The following LMO7 variants were observed in gnomAD, a reference collection of about 807,000 sequenced individuals.
The protein encoded by LMO7 is LIM domain only protein 7.
A neutral mutation model predicts 206.5 loss-of-function variants in LMO7; 120 were observed. The ratio of observed to expected loss-of-function variants is 0.58; its 90% CI spans 0.50 to 0.68. The LOEUF (loss-of-function observed/expected upper bound fraction) is 0.68. LMO7 is among the 30% of genes least tolerant of loss of function. LMO7 has a pLI of 0.00. For synonymous variants in LMO7, 706 were observed against 681.5 expected (o/e 1.04, Z -0.56); for missense variants, 1,959 against 1,957.9 (o/e 1.00, Z -0.01).
upstream of LMO7, among the ~76,000 whole-genome samples, chr13:75,635,474 G>T (rs1349612798): frequency 6.6e-6 from 1 of 150,620 alleles, no homozygotes; most frequent in African/African-American, 2.4e-5. Flanking sequence ...ACCCAGGGCC[G>T]CGGCGGATAC....
intron 1 of LMO7, among the ~76,000 whole-genome samples, chr13:75,701,279 C>T (rs951201327): frequency 5.3e-5 from 8 of 152,220 alleles, no homozygotes; most frequent in Admixed American, 2.0e-4. Context: ...GCGTCTCAGC[C>T]GCATTACTTA....
At chr13:75,737,705 A>G (rs1402826176) in intron 3 of LMO7, among the ~76,000 whole-genome samples, 1 of 126,894 alleles carries the variant, frequency 7.9e-6, no homozygotes, top group African/African-American at 3.0e-5. Context: ...GTGAGCCGAG[A>G]TCGCGCCACT....
At chr13:75,635,593 C>G (rs1178733871), upstream of LMO7, among the ~76,000 whole-genome samples, 1 of 152,192 alleles carries the variant, frequency 6.6e-6, no homozygotes, top group Non-Finnish European at 1.5e-5. Flanking sequence ...CTGGGCTGAG[C>G]GGGCGGGAAG....
chr13:75,818,628 G>T (rs531802016), intron 12 of LMO7, among the ~76,000 whole-genome samples: 1 of 152,260 alleles, frequency 6.6e-6, no homozygotes, highest in South Asian at 2.1e-4. Flanking sequence ...GGATATGGGG[G>T]ACAGGTGTTG....
chr13:75,711,619 C>G (rs931827387), intron 1 of LMO7, among the ~76,000 whole-genome samples: 12 of 152,224 alleles, frequency 7.9e-5, no homozygotes, highest in Admixed American at 2.0e-4. Context: ...CGCTGCACCC[C>G]CCCTGTCCTG....
At chr13:75,704,138 GCTC>G (rs1288954454) in intron 1 of LMO7, among the ~76,000 whole-genome samples, 1 of 152,180 alleles carries the variant, frequency 6.6e-6, no homozygotes, top group Non-Finnish European at 1.5e-5. Context: ...AAGGCATCCA[GCTC>G]CTCCTGTATA....
chr13:75,694,649 C>G (rs923454734), intron 1 of LMO7, among the ~76,000 whole-genome samples: 1 of 151,952 alleles, frequency 6.6e-6, no homozygotes, highest in African/African-American at 2.4e-5. Flanking sequence ...GAGTCTGGGA[C>G]GTTGGGAGAA....
At chr13:75,782,962 G>C (rs2051767673) in intron 4 of LMO7, among the ~76,000 whole-genome samples, 1 of 152,174 alleles carries the variant, frequency 6.6e-6, no homozygotes, top group Non-Finnish European at 1.5e-5. Flanking sequence ...CTAGGGATTA[G>C]GAAGTAGACC....
intron 1 of LMO7, among the ~76,000 whole-genome samples, chr13:75,674,613 A>G (rs1037155371): frequency 1.3e-5 from 2 of 152,232 alleles, no homozygotes; most frequent in African/African-American, 4.8e-5. Flanking sequence ...CTCAAAGCAG[A>G]AGGGGACATA....
At chr13:75,794,096 T>C (rs1249308872) in intron 4 of LMO7, among the ~76,000 whole-genome samples, 1 of 152,220 alleles carries the variant, frequency 6.6e-6, no homozygotes, top group Non-Finnish European at 1.5e-5. Context: ...TTTGTTGCGA[T>C]GAATAGTGCT....
At chr13:75,780,704 G>A (rs761330049) in intron 4 of LMO7, among the ~76,000 whole-genome samples, 5 of 152,294 alleles carry the variant, frequency 3.3e-5, no homozygotes, top group Non-Finnish European at 7.4e-5. Flanking sequence ...AGTGATAAAT[G>A]TCCATGAAAT....
In LMO7 at chr13:75,836,378, G is replaced by A; in HGVS notation, c.3334-19G>A. ...GTCCAACTGGAGAGAATATTAACTA[G>A]CATTTTTACCCTTTCCAGAATATTG... On this transcript the variant is annotated intron_variant, in intron 18 of 30. Coordinates refer to ENST00000377534, the MANE Select transcript of LMO7 (RefSeq NM_001306080.2). 2 of 1,422,556 alleles carry A rather than the reference G, an allele frequency of 1.4e-6. No individual in the cohort carries two copies. Among genetic ancestry groups the A allele is most frequent in the South Asian group, 1.2e-5 (1 of 80,058 alleles). The allele number at this position is 1,422,556 out of a possible 1,614,324, so 88.1% of individuals were successfully genotyped here. A position where few individuals can be genotyped will look rare whatever the true frequency, so the allele number is the denominator to read the frequency against.
At chr13:75,838,320 C>T (rs1337654073) in intron 20 of LMO7, 124 bp downstream of exon 20, 1 of 1,535,554 alleles carries the variant, frequency 6.5e-7, no homozygotes, top group Admixed American at 1.9e-5. Context: ...GACCAAGCGA[C>T]ATAACCCATT....
intron 1 of LMO7, among the ~76,000 whole-genome samples, chr13:75,711,784 C>T (rs2043149717): frequency 6.6e-6 from 1 of 152,204 alleles, no homozygotes; most frequent in Admixed American, 6.5e-5. Flanking sequence ...AGGCTGTGGG[C>T]TCCCTGATGG....
chr13:75,710,600 G>A (rs1312505286), intron 1 of LMO7, among the ~76,000 whole-genome samples: 1 of 151,770 alleles, frequency 6.6e-6, no homozygotes, highest in Admixed American at 6.5e-5. Context: ...CTCTCTGTTT[G>A]TCTGTTATTG....
chr13:75,816,977 G>A (rs2057072370), intron 11 of LMO7, 184 bp from the exon 12 acceptor site: 1 of 459,304 alleles, frequency 2.2e-6, no homozygotes, highest in Non-Finnish European at 3.9e-6. Context: ...TCACACTCGA[G>A]TGCTCTTGTT....
chr13:75,732,412 C>T (rs1192211720), intron 3 of LMO7, among the ~76,000 whole-genome samples: 4 of 152,130 alleles, frequency 2.6e-5, no homozygotes, highest in South Asian at 2.1e-4. Flanking sequence ...TCCAGTTGAT[C>T]GCATCAGCTC....
intron 2 of LMO7, among the ~76,000 whole-genome samples, chr13:75,717,377 A>AAT (rs2043637611): frequency 6.7e-6 from 1 of 150,310 alleles, no homozygotes; most frequent in Non-Finnish European, 1.5e-5. Flanking sequence ...AAAAAAAAAA[A>AAT]AAAACACACA....
intron 2 of LMO7, among the ~76,000 whole-genome samples, chr13:75,719,210 C>T (rs1033325714): frequency 2.6e-5 from 4 of 151,876 alleles, no homozygotes; most frequent in African/African-American, 9.7e-5. Context: ...GAACTCCTGA[C>T]CTCAAGTGAT....
Sources: allele counts gnomAD v4.1 joint callset (sites outside exome capture counted in the v4.1 genomes callset), GRCh38; gene constraint gnomAD v4.1.1; transcripts MANE v1.5; gene names NCBI Gene and HGNC (gene_info 2026-07-23, HGNC 2026-07-21).